Variants in SCHIP1 observed in about 807,000 individuals in gnomAD.
SCHIP1 encodes schwannomin-interacting protein 1.
In SCHIP1, 8 loss-of-function variants were observed where a neutral mutation model predicts 29.7. The ratio of observed to expected loss-of-function variants is 0.27; its 90% confidence interval spans 0.16 to 0.49. The LOEUF (loss-of-function observed/expected upper bound fraction) is 0.49, where lower values mean the gene tolerates loss of function less well. Ranked by LOEUF, SCHIP1 falls within the 20% of genes least tolerant of loss-of-function variation. SCHIP1 has a pLI of 0.99. For synonymous variants in SCHIP1, 76 were observed against 94.9 expected, an observed-to-expected ratio of 0.80 and a Z score of 1.16; for missense variants, 193 against 294.6, an observed-to-expected ratio of 0.66 and a Z score of 2.52.
chr3:159,462,267 G>C, the SCHIP1 span, among the ~76,000 whole-genome samples: 1 of 151,942 alleles, frequency 6.6e-6, no homozygotes, highest in Non-Finnish European at 1.5e-5. Flanking sequence ...CACCACCAGA[G>C]GTACCATTGT....
chr3:159,521,655 G>A, the SCHIP1 span, among the ~76,000 whole-genome samples: 2 of 152,224 alleles, frequency 1.3e-5, no homozygotes, highest in African/African-American at 4.8e-5. Flanking sequence ...TGGAATAACA[G>A]TAAAATTATA....
chr3:159,391,327 C>G, the SCHIP1 span, among the ~76,000 whole-genome samples: 1 of 152,056 alleles, frequency 6.6e-6, no homozygotes, highest in African/African-American at 2.4e-5. Context: ...AGTTCAGGGT[C>G]TTCTTTTCTT....
chr3:159,289,540 A>G, the SCHIP1 span, among the ~76,000 whole-genome samples: 3 of 152,106 alleles, frequency 2.0e-5, no homozygotes, highest in African/African-American at 7.2e-5. Context: ...GCAGCTCCTT[A>G]TAGAAGTTCT....
the SCHIP1 span, among the ~76,000 whole-genome samples, chr3:159,694,228 A>T: frequency 6.8e-6 from 1 of 146,252 alleles, no homozygotes; most frequent in Admixed American, 6.8e-5. Context: ...GCTCATGCCT[A>T]ACACTAACCC....
At chr3:159,616,630 A>C in the SCHIP1 span, among the ~76,000 whole-genome samples, 1 of 152,230 alleles carries the variant, frequency 6.6e-6, no homozygotes, top group Non-Finnish European at 1.5e-5. Context: ...TCAATGTGAT[A>C]TCTTCCTTCA....
At chr3:159,507,861 C>G in the SCHIP1 span, among the ~76,000 whole-genome samples, 3 of 152,120 alleles carry the variant, frequency 2.0e-5, no homozygotes, top group Non-Finnish European at 4.4e-5. Context: ...CTGCTGGATT[C>G]GGTTTGCCAG....
the SCHIP1 span, among the ~76,000 whole-genome samples, chr3:159,601,415 C>T: frequency 6.6e-6 from 1 of 152,204 alleles, no homozygotes; most frequent in Non-Finnish European, 1.5e-5. Context: ...CATGAAGTCT[C>T]AGCACAGAGA....
chr3:159,694,603 A>AG, the SCHIP1 span, among the ~76,000 whole-genome samples: 11 of 131,772 alleles, frequency 8.3e-5, no homozygotes, highest in African/African-American at 2.7e-4. Context: ...AAAGAAAGAA[A>AG]GAAAGGAATT....
the SCHIP1 span, chr3:159,721,844 G>T: frequency 2.5e-6 from 1 of 396,830 alleles, no homozygotes; most frequent in South Asian, 2.1e-5. Context: ...TAGCATTGAT[G>T]CTGAGGTCCA....
chr3:159,702,275 T>C, the SCHIP1 span, among the ~76,000 whole-genome samples: 43 of 152,296 alleles, frequency 2.8e-4, no homozygotes, highest in East Asian at 8.1e-3. Context: ...CTAAATGAGA[T>C]GGAGATAAAG....
chr3:159,582,724 A>G, the SCHIP1 span, among the ~76,000 whole-genome samples: 1 of 151,686 alleles, frequency 6.6e-6, no homozygotes, highest in Admixed American at 6.6e-5. Context: ...AGTGGTCTGG[A>G]ACCAAACTCA....
chr3:159,336,746 C>A, the SCHIP1 span, among the ~76,000 whole-genome samples: 4 of 152,092 alleles, frequency 2.6e-5, no homozygotes, highest in Non-Finnish European at 4.4e-5. Flanking sequence ...GTTACTGTAG[C>A]CTTGTAGTAT....
At chr3:159,848,283 T>G (rs1281488784) in intron 1 of SCHIP1, among the ~76,000 whole-genome samples, 1 of 152,132 alleles carries the variant, frequency 6.6e-6, no homozygotes, top group Non-Finnish European at 1.5e-5. Flanking sequence ...GGGAGAGCGC[T>G]AGTATCTGGG....
At chr3:159,573,168 T>C in the SCHIP1 span, among the ~76,000 whole-genome samples, 1 of 152,240 alleles carries the variant, frequency 6.6e-6, no homozygotes, top group Non-Finnish European at 1.5e-5. Flanking sequence ...TGTTAGCTGA[T>C]TATTTTGCTC....
At chr3:159,473,174 G>A in the SCHIP1 span, among the ~76,000 whole-genome samples, 1 of 152,080 alleles carries the variant, frequency 6.6e-6, no homozygotes, top group African/African-American at 2.4e-5. Flanking sequence ...AAGTCCATTG[G>A]AACAATATTG....
At chr3:159,602,299 C>G in the SCHIP1 span, among the ~76,000 whole-genome samples, 6,470 of 152,206 alleles carry the variant, frequency 0.043, 295 homozygotes, top group African/African-American at 0.12. Context: ...CCTAGATGTT[C>G]TATTTGAGGT....
At chr3:159,896,940 T>G (rs548957401) in exon 7 of SCHIP1, 64 of 662,750 alleles carry the variant, frequency 9.7e-5, no homozygotes, top group Admixed American at 3.9e-4. Context: ...TTATTTTAAT[T>G]TTTTACTTGT....
At chr3:159,840,841 A>G (rs1013469352) in intron 1 of SCHIP1, among the ~76,000 whole-genome samples, 19 of 152,376 alleles carry the variant, frequency 1.2e-4, no homozygotes, top group African/African-American at 3.6e-4. Flanking sequence ...ATTCATTTGT[A>G]TGCTAATTTG....
chr3:159,704,417 TAAAAAAAA>T, the SCHIP1 span, among the ~76,000 whole-genome samples: 53 of 92,640 alleles, frequency 5.7e-4, no homozygotes, highest in African/African-American at 1.9e-3. Context: ...CAATTTTTTC[TAAAAAAAA>T]AAAAAAAAAA....
Sources: allele counts gnomAD v4.1 joint callset (sites outside exome capture counted in the v4.1 genomes callset), GRCh38; gene constraint gnomAD v4.1.1; transcripts MANE v1.5; gene names NCBI Gene and HGNC (gene_info 2026-07-23, HGNC 2026-07-21).